HS3ST4: variants seen among roughly 807,000 people sequenced by gnomAD.
The protein encoded by HS3ST4 is heparan sulfate-glucosamine 3-sulfotransferase 4, also known as heparan sulfate glucosamine 3-O-sulfotransferase 4.
Under a neutral mutation model 29.2 loss-of-function variants are expected in HS3ST4, and 17 were observed. That is an observed-to-expected ratio of 0.58 (90% confidence interval 0.40 to 0.87). The LOEUF (loss-of-function observed/expected upper bound fraction) is 0.87. HS3ST4 is among the 40% of genes least tolerant of loss of function. The pLI is 0.00. For synonymous variants in HS3ST4, 314 were observed against 285.7 expected (o/e 1.10, Z -1.00); for missense variants, 627 against 634.5 (o/e 0.99, Z 0.13).
intron 1 of HS3ST4, among the ~76,000 whole-genome samples, chr16:25,940,440 C>T (rs1395232320): frequency 2.0e-5 from 3 of 152,126 alleles, no homozygotes; most frequent in African/African-American, 7.2e-5. Flanking sequence ...CCAAAATGCC[C>T]AAGATGTCAA....
chr16:25,703,959 ATCC>A (rs2141581809), intron 1 of HS3ST4, among the ~76,000 whole-genome samples: 1 of 152,348 alleles, frequency 6.6e-6, no homozygotes, highest in South Asian at 2.1e-4. Context: ...CTCCAAAGTT[ATCC>A]TCATTACTTA....
chr16:26,043,714 G>A (rs1222123771), intron 1 of HS3ST4, among the ~76,000 whole-genome samples: 1 of 152,136 alleles, frequency 6.6e-6, no homozygotes, highest in Non-Finnish European at 1.5e-5. Context: ...TTATGAACTG[G>A]CTTGGTTAAC....
chr16:25,780,248 G>A (rs1359982098), intron 1 of HS3ST4, among the ~76,000 whole-genome samples: 1 of 152,108 alleles, frequency 6.6e-6, no homozygotes, highest in African/African-American at 2.4e-5. Context: ...GCCAAGCCCC[G>A]ACCTTTCCAT....
intron 1 of HS3ST4, among the ~76,000 whole-genome samples, chr16:26,061,783 A>T (rs1369989755): frequency 1.3e-5 from 2 of 152,220 alleles, no homozygotes; most frequent in Admixed American, 1.3e-4. Flanking sequence ...ATCTGTGTCA[A>T]CTTCATTCTC....
At chr16:25,883,739 T>G (rs1967917985) in intron 1 of HS3ST4, among the ~76,000 whole-genome samples, 1 of 152,210 alleles carries the variant, frequency 6.6e-6, no homozygotes, top group Non-Finnish European at 1.5e-5. Context: ...AAATAAGTGT[T>G]ATTATACTTG....
At chr16:26,049,324 G>A (rs1317819896) in intron 1 of HS3ST4, among the ~76,000 whole-genome samples, 1 of 135,558 alleles carries the variant, frequency 7.4e-6, no homozygotes, top group Non-Finnish European at 1.6e-5. Flanking sequence ...GACCTGCTGG[G>A]AAGTCCGGAG....
At chr16:26,128,730 C>T (rs897232326) in intron 1 of HS3ST4, among the ~76,000 whole-genome samples, 2 of 152,190 alleles carry the variant, frequency 1.3e-5, no homozygotes, top group Non-Finnish European at 2.9e-5. Flanking sequence ...TTTTGCATCT[C>T]TATAATGGGC....
At chr16:26,037,636 A>G (rs1295336130) in intron 1 of HS3ST4, among the ~76,000 whole-genome samples, 1 of 152,188 alleles carries the variant, frequency 6.6e-6, no homozygotes, top group African/African-American at 2.4e-5. Flanking sequence ...CATTATGAAC[A>G]TAGGAGGAGA....
At chr16:25,900,979 G>A (rs1968115456) in intron 1 of HS3ST4, among the ~76,000 whole-genome samples, 2 of 152,132 alleles carry the variant, frequency 1.3e-5, no homozygotes. Context: ...TACTGACATT[G>A]ATCTTTTATT....
rs983746250 is a variant in HS3ST4 at position 26,125,691 on chromosome 16, A to G, written c.735-9921A>G. Among the ~76,000 whole-genome samples, 3 of 152,306 alleles carry G rather than the reference A, an allele frequency of 2.0e-5. No homozygotes were observed. The South Asian group carries it at 6.2e-4, about 32-fold the overall frequency. ...CTTCTATGTCCTTAGTCCACCTTCT[A>G]TGTCCTTAGTCCTCACTGTCTTCTT... On this transcript the variant is annotated intron_variant, in intron 1 of 1. Coordinates refer to ENST00000331351, the MANE Select transcript of HS3ST4 (RefSeq NM_006040.3).
intron 1 of HS3ST4, among the ~76,000 whole-genome samples, chr16:25,858,556 G>A (rs573404173): frequency 6.6e-5 from 10 of 152,136 alleles, no homozygotes; most frequent in African/African-American, 1.4e-4. Flanking sequence ...GATAAACTCC[G>A]AAGAGTGGGA....
At chr16:26,058,851 T>G (rs1828005709) in intron 1 of HS3ST4, among the ~76,000 whole-genome samples, 1 of 152,268 alleles carries the variant, frequency 6.6e-6, no homozygotes, top group Non-Finnish European at 1.5e-5. Flanking sequence ...GAAGTAGAAC[T>G]GCTGAATTGG....
intron 1 of HS3ST4, among the ~76,000 whole-genome samples, chr16:25,928,756 A>G (rs1003334782): frequency 1.3e-5 from 2 of 152,164 alleles, no homozygotes; most frequent in Admixed American, 6.5e-5. Flanking sequence ...CCACAGGGCC[A>G]TGAGTTTGGG....
chr16:25,922,075 C>G (rs140082477), intron 1 of HS3ST4, among the ~76,000 whole-genome samples: 2 of 152,240 alleles, frequency 1.3e-5, no homozygotes, highest in Non-Finnish European at 2.9e-5. Flanking sequence ...TTTGACTCAC[C>G]CATGGCTAGA....
intron 1 of HS3ST4, among the ~76,000 whole-genome samples, chr16:25,889,265 C>T (rs1347950008): frequency 6.6e-6 from 1 of 152,166 alleles, no homozygotes. Flanking sequence ...TCTCCTTTGC[C>T]AGAAGGATGT....
intron 1 of HS3ST4, among the ~76,000 whole-genome samples, chr16:25,981,252 G>T (rs1004482315): frequency 6.6e-6 from 1 of 151,970 alleles, no homozygotes; most frequent in African/African-American, 2.4e-5. Flanking sequence ...ACAGGAAATC[G>T]CTTGAACCCA....
At chr16:25,757,603 TAGAG>T (rs1285991798) in intron 1 of HS3ST4, among the ~76,000 whole-genome samples, 1 of 149,412 alleles carries the variant, frequency 6.7e-6, no homozygotes, top group African/African-American at 2.4e-5. Context: ...ATATATATAA[TAGAG>T]AGAGTGTAAA....
At chr16:25,945,206 A>C (rs9922923) in intron 1 of HS3ST4, among the ~76,000 whole-genome samples, 2 of 152,204 alleles carry the variant, frequency 1.3e-5, no homozygotes, top group African/African-American at 4.8e-5. Flanking sequence ...ATTATTGTGC[A>C]TATTGTATAT....
intron 1 of HS3ST4, among the ~76,000 whole-genome samples, chr16:25,873,943 C>T (rs1967799653): frequency 6.6e-6 from 1 of 152,158 alleles, no homozygotes; most frequent in African/African-American, 2.4e-5. Flanking sequence ...GGGACCAACA[C>T]GTACAATAGT....
Sources: allele counts gnomAD v4.1 joint callset (sites outside exome capture counted in the v4.1 genomes callset), GRCh38; gene constraint gnomAD v4.1.1; transcripts MANE v1.5; gene names NCBI Gene and HGNC (gene_info 2026-07-23, HGNC 2026-07-21).